Variants in ADCYAP1R1 observed in about 807,000 individuals in gnomAD.
The protein encoded by ADCYAP1R1 is pituitary adenylate cyclase-activating polypeptide type I receptor.
Under a neutral mutation model 67.6 loss-of-function variants are expected in ADCYAP1R1, and 44 were observed. That is an observed-to-expected ratio of 0.65 (90% CI 0.51 to 0.84). The LOEUF is 0.84. Among genes scored for constraint, ADCYAP1R1 ranks in the 40% least tolerant of loss-of-function variants. The pLI is 0.00. For missense variants in ADCYAP1R1, 477 were observed against 587.9 expected (o/e 0.81, Z 1.95); for synonymous variants, 222 against 219.6 (o/e 1.01, Z -0.10).
chr7:31,088,313 G>A (rs966718993), intron 12 of ADCYAP1R1, among the ~76,000 whole-genome samples: 2 of 152,176 alleles, frequency 1.3e-5, no homozygotes, highest in African/African-American at 4.8e-5. Flanking sequence ...TAACACTTCC[G>A]ATGTTGTGTA....
intron 3 of ADCYAP1R1, among the ~76,000 whole-genome samples, chr7:31,076,784 T>C (rs1432432897): frequency 1.3e-5 from 2 of 152,100 alleles, no homozygotes; most frequent in Non-Finnish European, 2.9e-5. Context: ...GACCAGCCTG[T>C]TCCTGCCCCT....
intron 3 of ADCYAP1R1, among the ~76,000 whole-genome samples, chr7:31,074,810 G>C (rs555648134): frequency 3.3e-5 from 5 of 152,322 alleles, no homozygotes; most frequent in African/African-American, 9.6e-5. Flanking sequence ...CTGATACCCA[G>C]CTCCCCTCAT....
intron 3 of ADCYAP1R1, among the ~76,000 whole-genome samples, chr7:31,066,557 G>T (rs1794747010): frequency 6.6e-6 from 1 of 152,156 alleles, no homozygotes; most frequent in Admixed American, 6.5e-5. Flanking sequence ...AGGAAGAGAT[G>T]AGTTCTTTGT....
chr7:31,085,253 A>G, intron 8 of ADCYAP1R1, 57 bp from the exon 9 acceptor site: 1 of 1,579,300 alleles, frequency 6.3e-7, no homozygotes, highest in Non-Finnish European at 8.6e-7. Context: ...GCCCACATGG[A>G]GGGTGTGAAA....
intron 13 of ADCYAP1R1, among the ~76,000 whole-genome samples, chr7:31,094,447 T>C (rs1330947679): frequency 6.6e-6 from 1 of 152,108 alleles, no homozygotes; most frequent in Non-Finnish European, 1.5e-5. Context: ...ACACTAATAG[T>C]TGTCTCCCAT....
intron 13 of ADCYAP1R1, chr7:31,100,308 C>T: frequency 8.3e-7 from 1 of 1,198,816 alleles, no homozygotes; most frequent in Non-Finnish European, 1.2e-6. Flanking sequence ...GAGCCAGCCT[C>T]TGCCTCCCAG....
At chr7:31,071,562 C>T (rs2128621289) in intron 3 of ADCYAP1R1, among the ~76,000 whole-genome samples, 1 of 152,308 alleles carries the variant, frequency 6.6e-6, no homozygotes, top group Middle Eastern at 3.4e-3. Flanking sequence ...CATCTCCTCC[C>T]TGAAACATGT....
rs1188212340 is a variant in ADCYAP1R1, at chr7:31,110,096, T to C, written c.*3412T>C. ...CTCACCTCTCTCATCTGATCCTCACTCTTTGTGGAAGGGAAAGCTCAAAGG... is the reference window on the plus strand; with the variant it reads ...CTCACCTCTCTCATCTGATCCTCACCCTTTGTGGAAGGGAAAGCTCAAAGG... On this transcript the variant is annotated 3_prime_UTR_variant, in exon 16 of 16. Coordinates refer to ENST00000304166, the MANE Select transcript of ADCYAP1R1 (RefSeq NM_001118.5). 1 of 150,456 alleles carries C rather than the reference T, an allele frequency of 6.6e-6. No individual in the cohort carries two copies. Among genetic ancestry groups the C allele is most frequent in the Non-Finnish European group, 1.5e-5 (1 of 67,934 alleles). 9.3% of individuals were successfully genotyped at this position (150,456 alleles called of 1,614,324 possible).
intron 1 of ADCYAP1R1, among the ~76,000 whole-genome samples, chr7:31,061,469 T>A (rs1397038754): frequency 6.6e-6 from 1 of 152,074 alleles, no homozygotes; most frequent in Non-Finnish European, 1.5e-5. Flanking sequence ...GAAGCCTGAG[T>A]GCCTGGTAGA....
intron 13 of ADCYAP1R1, 138 bp downstream of exon 13, chr7:31,092,873 A>G: frequency 1.6e-6 from 1 of 639,120 alleles, no homozygotes; most frequent in Non-Finnish European, 2.7e-6. Context: ...TTCTGATTAA[A>G]GAGCCTTTAA....
intron 12 of ADCYAP1R1, among the ~76,000 whole-genome samples, chr7:31,088,229 A>G (rs896805979): frequency 2.0e-5 from 3 of 152,218 alleles, no homozygotes; most frequent in Non-Finnish European, 4.4e-5. Context: ...ATTTGTTTTT[A>G]TCGTGAATAT....
intron 13 of ADCYAP1R1, chr7:31,100,001 TCTC>T (rs1796371977): frequency 1.1e-6 from 1 of 886,968 alleles, no homozygotes; most frequent in Admixed American, 2.1e-5. Flanking sequence ...GCTCCCTCAT[TCTC>T]CTCCACATGA....
chr7:31,076,755 G>A (rs571765516), intron 3 of ADCYAP1R1, among the ~76,000 whole-genome samples: 1 of 152,284 alleles, frequency 6.6e-6, no homozygotes, highest in East Asian at 1.9e-4. Context: ...TAGGTGGGGG[G>A]AGTGGAGCAG....
At position 31,080,686 on chromosome 7, in the gene ADCYAP1R1, G is replaced by C. The variant is rs1040944615; in HGVS notation, c.286+53G>C. On this transcript the variant is annotated intron_variant, in intron 5 of 15. Transcript: ENST00000304166. ...CGCTGTCTTTCTGTCCATCCAGCAG[G>C]AGCCCAGCCTCAGGAGATCCCAGGC... 8.1e-6 allele frequency: 13 copies of C among 1,596,180 alleles called. No homozygotes were observed. In the South Asian group the frequency reaches 1.4e-4, roughly 18 times the overall value.
chr7:31,061,351 G>C (rs1340451176), intron 1 of ADCYAP1R1, among the ~76,000 whole-genome samples: 1 of 152,254 alleles, frequency 6.6e-6, no homozygotes, highest in Non-Finnish European at 1.5e-5. Context: ...GTTCCCCAGG[G>C]CTGGTAGAAG....
At position 31,078,151 on chromosome 7, in the gene ADCYAP1R1, T is replaced by C. The variant is rs1340648125; in HGVS notation, c.265+53T>C. The C allele has an allele frequency of 2.0e-6, 3 of 1,475,524 alleles. No individual in the cohort carries two copies. In the Admixed American group the frequency reaches 6.3e-5, roughly 31 times the overall value. 91.4% of individuals were successfully genotyped at this position (1,475,524 alleles called of 1,614,324 possible). ...ACGCTGGCCTAGCCTGCTCCCCAAA[T>C]TCGGCCCCAGGCAAGCACCAAGGAC... On this transcript the variant is annotated intron_variant, in intron 4 of 15. Coordinates refer to ENST00000304166, the MANE Select transcript of ADCYAP1R1 (RefSeq NM_001118.5).
rs912046269 is a variant in ADCYAP1R1 at position 31,087,086 on chromosome 7, T to C, written c.884+83T>C. 2.0e-6 allele frequency: 3 copies of C among 1,472,544 alleles called. No homozygotes were observed. In the African/African-American group the frequency reaches 4.2e-5, roughly 20 times the overall value. The allele number at this position is 1,472,544 out of a possible 1,614,324, so 91.2% of individuals were successfully genotyped here. On this transcript the variant is annotated intron_variant, in intron 11 of 15. Coordinates refer to ENST00000304166, the MANE Select transcript of ADCYAP1R1 (RefSeq NM_001118.5). ...TCTCAGTAGCTGCCCTGACTTCACATGAACTGCCCGCAACAAACCATTCAA... is the reference window on the plus strand; with the variant it reads ...TCTCAGTAGCTGCCCTGACTTCACACGAACTGCCCGCAACAAACCATTCAA...
intron 3 of ADCYAP1R1, 150 bp from the exon 4 acceptor site, chr7:31,077,839 TTG>T (rs1276647476): frequency 4.0e-5 from 21 of 525,232 alleles, no homozygotes; most frequent in Middle Eastern, 4.0e-4. Flanking sequence ...TTTGTTGGTG[TTG>T]TGTGTGTGTT....
rs57586090 is a variant in ADCYAP1R1, at chr7:31,094,496, C to T, written c.1046+1761C>T. ...AGGGAGCTAAGTCAACCTCATCTCT[C>T]GTTTGAGCTCTAGTGGTCTTGATTT... On this transcript the variant is annotated intron_variant, in intron 13 of 15. Transcript: ENST00000304166. Among the ~76,000 whole-genome samples, 1,232 of 152,198 alleles carry T rather than the reference C, an allele frequency of 8.1e-3. 33 individuals are homozygous for T. The East Asian group carries it at 0.11, about 14-fold the overall frequency.
Sources: allele counts gnomAD v4.1 joint callset (sites outside exome capture counted in the v4.1 genomes callset), GRCh38; gene constraint gnomAD v4.1.1; transcripts MANE v1.5; gene names NCBI Gene and HGNC (gene_info 2026-07-23, HGNC 2026-07-21).